The following SCN10A variants were observed in gnomAD, a reference collection of about 807,000 sequenced individuals.
The protein encoded by SCN10A is sodium channel protein type 10 subunit alpha.
SCN10A carries 162 observed loss-of-function variants against 170.7 expected under a neutral mutation model. That is an observed-to-expected ratio of 0.95 (90% CI 0.84 to 1.08). SCN10A has a LOEUF of 1.08. Ranked by LOEUF, SCN10A falls within the 50% of genes least tolerant of loss-of-function variation. The probability of loss-of-function intolerance (pLI) is 0.00; values close to 1 mark genes in which losing one functional copy is unlikely to be tolerated. For synonymous variants in SCN10A, 985 were observed against 904.6 expected (o/e 1.09, Z -1.59); for missense variants, 2,527 against 2,436.9 (o/e 1.04, Z -0.78).
intron 27 of SCN10A, among the ~76,000 whole-genome samples, chr3:38,701,387 C>T (rs989750163): frequency 1.1e-4 from 17 of 152,188 alleles, no homozygotes; most frequent in Non-Finnish European, 1.2e-4. Context: ...TGAACAATCT[C>T]CTCCCAGTCT....
At chr3:38,793,365 C>T (rs2064309080) in intron 2 of SCN10A, among the ~76,000 whole-genome samples, 1 of 152,076 alleles carries the variant, frequency 6.6e-6, no homozygotes, top group African/African-American at 2.4e-5. Flanking sequence ...TTAAATTCAT[C>T]CTGCTTTCTG....
chr3:38,723,424 C>T lies in SCN10A; in HGVS notation c.3352+6G>A. 6.2e-7 allele frequency: 1 copy of T among 1,614,146 alleles called. No individual in the cohort carries two copies. The highest frequency in any genetic ancestry group is 8.5e-7 in the Non-Finnish European group (1 of 1,179,990). On this transcript the variant is annotated splice_donor_region_variant and intron_variant, in intron 19 of 27. Transcript: ENST00000449082. Reference sequence around the variant, plus strand: ...AGTGTGAGGGGGCCTGTGGCTGTCCCTTCACCTTCTGTGAAGCAGTCATCT... The same window carrying T: ...AGTGTGAGGGGGCCTGTGGCTGTCCTTTCACCTTCTGTGAAGCAGTCATCT...
intron 21 of SCN10A, among the ~76,000 whole-genome samples, 161 bp from the exon 22 acceptor site, chr3:38,714,241 G>C (rs754948723): frequency 6.6e-6 from 1 of 152,166 alleles, no homozygotes; most frequent in Non-Finnish European, 1.5e-5. Flanking sequence ...TCTAGAAAGA[G>C]TTTTGTCTCT....
intron 5 of SCN10A, among the ~76,000 whole-genome samples, chr3:38,767,224 A>G (rs1212115998): frequency 6.6e-6 from 1 of 150,944 alleles, no homozygotes; most frequent in African/African-American, 2.4e-5. Flanking sequence ...TATTATTTTT[A>G]TTTGAATTTC....
At chr3:38,713,828 A>C in intron 22 of SCN10A, 130 bp downstream of exon 22, 1 of 1,048,762 alleles carries the variant, frequency 9.5e-7, no homozygotes, top group Non-Finnish European at 1.4e-6. Context: ...GGGTTTCGGC[A>C]TGTTGGCCAG....
At chr3:38,806,905 A>G (rs2064408181) in intron 1 of SCN10A, among the ~76,000 whole-genome samples, 1 of 152,130 alleles carries the variant, frequency 6.6e-6, no homozygotes. Context: ...CCCCAAATAA[A>G]AGTTTTCTCA....
chr3:38,736,791 G>A (rs1248561385), intron 15 of SCN10A, among the ~76,000 whole-genome samples: 1 of 151,450 alleles, frequency 6.6e-6, no homozygotes, highest in African/African-American at 2.4e-5. Context: ...TGTTAAATCA[G>A]CGAGGTGGGG....
rs1460412749 is a variant in SCN10A, at chr3:38,709,469, A to G, written c.4281+9T>C. ...CAGCAGAAACCAGAAACTCCTGAGC[A>G]CCACTTATCTTTTTTTTCTGTTGAT... On this transcript the variant is annotated intron_variant, in intron 25 of 27. Coordinates refer to ENST00000449082, the MANE Select transcript of SCN10A (RefSeq NM_006514.4). The G allele has an allele frequency of 2.1e-5, 34 of 1,604,386 alleles. No homozygotes were observed. Among genetic ancestry groups the G allele is most frequent in the Non-Finnish European group, 2.8e-5 (33 of 1,175,840 alleles).
At chr3:38,739,415 A>G in intron 15 of SCN10A, 100 bp downstream of exon 15, 3 of 1,070,612 alleles carry the variant, frequency 2.8e-6, no homozygotes, top group Non-Finnish European at 4.0e-6. Context: ...CCACAAGGAC[A>G]GGAGAGGAAG....
intron 1 of SCN10A, among the ~76,000 whole-genome samples, chr3:38,809,018 G>A (rs2064423337): frequency 6.6e-6 from 1 of 152,216 alleles, no homozygotes; most frequent in Non-Finnish European, 1.5e-5. Flanking sequence ...GTGCTCTGAG[G>A]TGACCTCTGC....
rs549795936 is a variant in SCN10A, at chr3:38,713,951, GA to G, written c.3804+6del. ...CCAGATGAGAGAAGTTTTGAGATCA[GA>G]CTTACCCGCATGCCTTCAAATCGAG... On this transcript the variant is annotated splice_donor_region_variant and intron_variant, in intron 22 of 27. Coordinates refer to ENST00000449082, the MANE Select transcript of SCN10A (RefSeq NM_006514.4). The G allele has an allele frequency of 2.5e-5, 41 of 1,612,972 alleles. No homozygotes were observed. In the East Asian group the frequency reaches 8.7e-4, roughly 34 times the overall value.
At chr3:38,737,367 C>G (rs1277985853) in intron 15 of SCN10A, among the ~76,000 whole-genome samples, 1 of 152,086 alleles carries the variant, frequency 6.6e-6, no homozygotes, top group African/African-American at 2.4e-5. Context: ...CTTATATTGA[C>G]CATTAGCTTA....
chr3:38,727,097 G>A, intron 16 of SCN10A, 45 bp from the exon 17 acceptor site: 2 of 1,557,126 alleles, frequency 1.3e-6, no homozygotes, highest in Non-Finnish European at 1.8e-6. Flanking sequence ...TCTCTAAGCT[G>A]AGCCCCACAT....
At chr3:38,703,883 G>A (rs144632769) in intron 26 of SCN10A, among the ~76,000 whole-genome samples, 344 of 152,294 alleles carry the variant, frequency 2.3e-3, no homozygotes, top group Non-Finnish European at 3.7e-3. Context: ...CTTGCTCACT[G>A]CTCTAACCCT....
intron 15 of SCN10A, among the ~76,000 whole-genome samples, chr3:38,733,313 G>A (rs1467027533): frequency 6.6e-6 from 1 of 152,154 alleles, no homozygotes; most frequent in South Asian, 2.1e-4. Context: ...CCCACCTAGA[G>A]CTGTCTGGCT....
In SCN10A at chr3:38,742,279, C is replaced by T; in HGVS notation, c.2106+12G>A. On this transcript the variant is annotated intron_variant, in intron 14 of 27. Transcript: ENST00000449082. ...CCACGCCAGTGAGGGCAGTACCAGC[C>T]AGAGCACTCACGATGTTGCCTATCT... The T allele has an allele frequency of 6.2e-7, 1 of 1,605,364 alleles. No individual in the cohort carries two copies. The highest frequency in any genetic ancestry group is 8.5e-7 in the Non-Finnish European group (1 of 1,172,768).
intron 4 of SCN10A, among the ~76,000 whole-genome samples, chr3:38,775,031 C>G (rs183584046): frequency 6.6e-6 from 1 of 152,232 alleles, no homozygotes. Flanking sequence ...GCTGGAGTTT[C>G]TTCAATGGCA....
At chr3:38,703,784 G>A (rs1323959999) in intron 26 of SCN10A, among the ~76,000 whole-genome samples, 1 of 152,094 alleles carries the variant, frequency 6.6e-6, no homozygotes. Flanking sequence ...AATTTATCCA[G>A]CCAGGAATTA....
intron 1 of SCN10A, among the ~76,000 whole-genome samples, chr3:38,805,076 G>T (rs1354590594): frequency 3.3e-5 from 5 of 152,170 alleles, no homozygotes; most frequent in South Asian, 2.1e-4. Context: ...GGATATTGTT[G>T]TGACTGCAAA....
Sources: gnomAD v4.1 joint callset for allele counts (sites outside exome capture counted in the v4.1 genomes callset) on GRCh38, gnomAD v4.1.1 for gene constraint, MANE v1.5 for transcripts, NCBI Gene and HGNC (gene_info 2026-07-23, HGNC 2026-07-21) for gene names.